Variants in CACNB2 observed in about 807,000 individuals in gnomAD.
CACNB2 encodes the protein calcium voltage-gated channel auxiliary subunit beta 2, also known as voltage-dependent L-type calcium channel subunit beta-2.
In CACNB2, 42 loss-of-function variants were observed where a neutral mutation model predicts 73.3. That is an observed-to-expected ratio of 0.57 (90% CI 0.45 to 0.74). CACNB2 has a LOEUF of 0.74. CACNB2 is among the 30% of genes least tolerant of loss of function. CACNB2 has a pLI of 0.00. For synonymous variants in CACNB2, 348 were observed against 310.3 expected (o/e 1.12, Z -1.28); for missense variants, 940 against 853.0 (o/e 1.10, Z -1.27).
chr10:18,411,098 C>T (rs2044599824), intron 3 of CACNB2, among the ~76,000 whole-genome samples: 1 of 152,144 alleles, frequency 6.6e-6, no homozygotes, highest in Non-Finnish European at 1.5e-5. Flanking sequence ...TCACAATGTA[C>T]ATTTTCATGC....
intron 3 of CACNB2, among the ~76,000 whole-genome samples, chr10:18,407,109 CTTTTT>C (rs71507267): frequency 5.6e-4 from 20 of 35,610 alleles, no homozygotes; most frequent in African/African-American, 1.0e-3. Flanking sequence ...GCTGTTCTGT[CTTTTT>C]TTTTTTTTTT....
At chr10:18,252,921 G>T (rs1257529673) in intron 2 of CACNB2, among the ~76,000 whole-genome samples, 1 of 152,264 alleles carries the variant, frequency 6.6e-6, no homozygotes, top group East Asian at 1.9e-4. Context: ...TGACTGGATT[G>T]GTTAATTAAC....
intron 9 of CACNB2, among the ~76,000 whole-genome samples, chr10:18,525,688 T>C (rs368070493): frequency 1.6e-3 from 242 of 152,314 alleles, no homozygotes; most frequent in African/African-American, 5.7e-3. Flanking sequence ...GAATTAATTC[T>C]TTATTTTCTT....
chr10:18,183,308 C>G (rs551714539), intron 2 of CACNB2, among the ~76,000 whole-genome samples: 126 of 151,934 alleles, frequency 8.3e-4, no homozygotes, highest in Non-Finnish European at 1.5e-3. Context: ...TGTTTTCTGT[C>G]CTCTCCTTCT....
At chr10:18,494,473 C>CA (rs999622083) in intron 3 of CACNB2, among the ~76,000 whole-genome samples, 89 of 149,836 alleles carry the variant, frequency 5.9e-4, no homozygotes, top group African/African-American at 2.0e-3. Context: ...ACTAAAAATA[C>CA]AAAAAAAAAT....
intron 3 of CACNB2, among the ~76,000 whole-genome samples, chr10:18,416,633 A>C (rs1177470612): frequency 6.6e-6 from 1 of 152,158 alleles, no homozygotes; most frequent in East Asian, 1.9e-4. Context: ...AGTGGTCTTG[A>C]ACCCCTGACC....
intron 3 of CACNB2, among the ~76,000 whole-genome samples, chr10:18,426,774 C>G (rs1248954395): frequency 6.6e-6 from 1 of 152,166 alleles, no homozygotes; most frequent in Non-Finnish European, 1.5e-5. Flanking sequence ...TGGCTAGACT[C>G]CTCACCGCAA....
chr10:18,242,555 C>G (rs1272089665), intron 2 of CACNB2, among the ~76,000 whole-genome samples: 1 of 151,912 alleles, frequency 6.6e-6, no homozygotes, highest in Non-Finnish European at 1.5e-5. Context: ...ATATTTGAAG[C>G]AAATATATAA....
chr10:18,333,079 T>A (rs949224669), intron 2 of CACNB2, among the ~76,000 whole-genome samples: 6 of 152,170 alleles, frequency 3.9e-5, no homozygotes, highest in Admixed American at 2.6e-4. Context: ...AAGATAAAAT[T>A]GCTATGCCTC....
chr10:18,367,437 C>T (rs1038935664), intron 2 of CACNB2, among the ~76,000 whole-genome samples: 31 of 152,084 alleles, frequency 2.0e-4, no homozygotes, highest in Middle Eastern at 3.4e-3. Context: ...TTTTAAAAAA[C>T]TTGATTTCCT....
At chr10:18,301,000 A>G (rs2039488868) in intron 2 of CACNB2, among the ~76,000 whole-genome samples, 2 of 152,186 alleles carry the variant, frequency 1.3e-5, no homozygotes, top group South Asian at 4.1e-4. Context: ...ATGAGTGAGG[A>G]AAGAACGCTA....
At position 18,540,974 on chromosome 10, in the gene CACNB2, A is replaced by T. The variant is rs1335607500; in HGVS notation, c.*1250A>T. The T allele has an allele frequency of 4.6e-5, 7 of 152,794 alleles. No individual in the cohort carries two copies. In the South Asian group the frequency reaches 8.3e-4, roughly 18 times the overall value. The allele number at this position is 152,794 out of a possible 1,614,324, so 9.5% of individuals were successfully genotyped here. A position where few individuals can be genotyped will look rare whatever the true frequency, so the allele number is the denominator to read the frequency against. On this transcript the variant is annotated 3_prime_UTR_variant, in exon 14 of 14. Transcript: ENST00000324631. ...CTTGTTTTTGCTCCTAGAGAGTGAA[A>T]ATACAGGCAATTTTACTGTGAGTGT... is the stretch of plus-strand genomic sequence containing the variant.
intron 3 of CACNB2, among the ~76,000 whole-genome samples, chr10:18,403,653 A>G (rs1179924361): frequency 6.6e-6 from 1 of 152,222 alleles, no homozygotes; most frequent in African/African-American, 2.4e-5. Context: ...CTTTTAAAGT[A>G]TCTTTTAACC....
intron 2 of CACNB2, among the ~76,000 whole-genome samples, chr10:18,337,876 C>T (rs1484634485): frequency 1.3e-5 from 2 of 152,114 alleles, no homozygotes; most frequent in Non-Finnish European, 2.9e-5. Context: ...TATTCATACA[C>T]ACAGTGAAAT....
intron 2 of CACNB2, among the ~76,000 whole-genome samples, chr10:18,216,014 G>A (rs1424118209): frequency 1.3e-5 from 2 of 152,024 alleles, no homozygotes; most frequent in East Asian, 1.9e-4. Flanking sequence ...TAAGTCTTGA[G>A]GCCAGGTGTG....
chr10:18,179,069 A>G (rs1053741683), intron 2 of CACNB2, among the ~76,000 whole-genome samples: 1 of 152,198 alleles, frequency 6.6e-6, no homozygotes, highest in Non-Finnish European at 1.5e-5. Flanking sequence ...TCTAGGCCTT[A>G]CTGCGGAACA....
At position 18,251,781 on chromosome 10, in the gene CACNB2, C is replaced by T. The variant is rs184916491; in HGVS notation, c.213+100806C>T. ...CCATGGTGGAAAAGGGGACAGAGAG[C>T]GCGAAGAGGGAAGTGCTACATGCTT... On this transcript the variant is annotated intron_variant, in intron 2 of 13. Coordinates refer to ENST00000324631, the MANE Select transcript of CACNB2 (RefSeq NM_201596.3). Among the ~76,000 whole-genome samples the T allele has an allele frequency of 1.4e-3, 208 of 152,210 alleles. 1 individual carries two copies. The highest frequency in any genetic ancestry group is 4.5e-3 in the African/African-American group (188 of 41,540).
intron 3 of CACNB2, among the ~76,000 whole-genome samples, chr10:18,494,488 C>T (rs1201789305): frequency 2.6e-5 from 4 of 151,810 alleles, no homozygotes; most frequent in East Asian, 1.9e-4. Flanking sequence ...AAAAATTAGC[C>T]GGGCATGGTG....
intron 2 of CACNB2, among the ~76,000 whole-genome samples, chr10:18,376,669 A>G (rs2042810101): frequency 6.6e-6 from 1 of 152,098 alleles, no homozygotes; most frequent in Non-Finnish European, 1.5e-5. Context: ...GAGAAGTTTT[A>G]TGGTGGGGTT....
Sources: allele counts gnomAD v4.1 joint callset (sites outside exome capture counted in the v4.1 genomes callset), GRCh38; gene constraint gnomAD v4.1.1; transcripts MANE v1.5; gene names NCBI Gene and HGNC (gene_info 2026-07-23, HGNC 2026-07-21).